Variants in CLCN2 observed in about 807,000 individuals in gnomAD.
CLCN2 encodes the protein chloride voltage-gated channel 2.
A neutral mutation model predicts 108.3 loss-of-function variants in CLCN2; 72 were observed. That is an observed-to-expected ratio of 0.66 (90% CI 0.55 to 0.81). The LOEUF is 0.81. Among genes scored for constraint, CLCN2 ranks in the 30% least tolerant of loss-of-function variants. CLCN2 has a pLI of 0.00. For missense variants in CLCN2, 1,048 were observed against 1,205.2 expected, an observed-to-expected ratio of 0.87 and a Z score of 1.93; for synonymous variants, 471 against 467.1, an observed-to-expected ratio of 1.01 and a Z score of -0.11.
rs2228292 is a variant in CLCN2, at chr3:184,352,800, C to T, written c.2154G>A (p.Glu718=). 6.2e-7 allele frequency: 1 copy of T among 1,613,254 alleles called. No individual in the cohort carries two copies. Among genetic ancestry groups the T allele is most frequent in the African/African-American group, 1.3e-5 (1 of 75,078 alleles). ...GGCTCCGGAGGGCGATGCCTGCCGA[C>T]TCTGCGCTCCCTGTGTTCCCAAACA... The part of the protein sequence containing the change: ...NLGESPTGSA[E]SAGIALRSLF... Residue 718 remains glutamate (E), a synonymous_variant, in exon 19 of 24, where the codon GAG becomes GAA. Transcript: ENST00000265593.
chr3:184,357,071 G>A lies in CLCN2; in HGVS notation c.1007C>T (p.Ala336Val). The change falls in exon 10 of 24, where the codon GCC (alanine) becomes GTC (valine). Residue 336 changes from alanine to valine, a missense_variant. Ala to Val is a moderately conservative substitution (Grantham distance 64). Coordinates refer to ENST00000265593, the MANE Select transcript of CLCN2 (RefSeq NM_004366.6). Reference sequence around the variant, plus strand: ...CTTCCGGTTCAGGTAGACAAAGAGGGCTCCACCGAAGCCACTAGCAATACT... The same window carrying A: ...CTTCCGGTTCAGGTAGACAAAGAGGACTCCACCGAAGCCACTAGCAATACT... Reference protein sequence around the residue: ...VIGIASGFGGALFVYLNRKIV... With the variant: ...VIGIASGFGGVLFVYLNRKIV... 4 of 1,613,640 alleles carry A rather than the reference G, an allele frequency of 2.5e-6. No individual in the cohort carries two copies. Among genetic ancestry groups the A allele is most frequent in the Non-Finnish European group, 2.5e-6 (3 of 1,179,836 alleles).
In CLCN2 at chr3:184,355,865, T is replaced by A; in HGVS notation, c.1086-87A>T. 2.8e-6 allele frequency: 3 copies of A among 1,071,980 alleles called. No homozygotes were observed. Among genetic ancestry groups the A allele is most frequent in the South Asian group, 1.3e-5 (1 of 75,992 alleles). 66.4% of individuals were successfully genotyped at this position (1,071,980 alleles called of 1,614,324 possible). A position where few individuals can be genotyped will look rare whatever the true frequency, so the allele number is the denominator to read the frequency against. Reference sequence around the variant, plus strand: ...CAGGGCTGAGGTCAGAGCAGAGCCTTGGCTCTTTCATGAAAACACTCAGTC... The same window carrying A: ...CAGGGCTGAGGTCAGAGCAGAGCCTAGGCTCTTTCATGAAAACACTCAGTC... On this transcript the variant is annotated intron_variant, in intron 10 of 23. Transcript: ENST00000265593. The surrounding 1 kb of genome is among the most constrained non-coding windows in gnomAD (Gnocchi z 6.3).
Position 184,353,331 on chromosome 3 carries a change from C to A in CLCN2, c.1947G>T (p.Met649Ile). The change falls in exon 17 of 24, where the codon ATG becomes ATT. Residue 649 changes from methionine (M) to isoleucine (I), a missense_variant. Physicochemically the swap from Met to Ile is conservative, Grantham distance 10. Transcript: ENST00000265593. ...QLSPARRRQH[M>I]QERRATQTSP... ...AGGTCTGGGTGGCTCTGCGCTCCTG[C>A]ATGTGCTGCCGCCGGCGGGCTGGGC... The A allele has an allele frequency of 1.2e-6, 2 of 1,613,368 alleles. No individual in the cohort carries two copies. Among genetic ancestry groups the A allele is most frequent in the Non-Finnish European group, 1.7e-6 (2 of 1,179,950 alleles).
intron 1 of CLCN2, 53 bp from the exon 2 acceptor site, chr3:184,359,184 G>A (rs943721201): frequency 3.7e-5 from 59 of 1,605,092 alleles, no homozygotes; most frequent in African/African-American, 2.9e-4. Flanking sequence ...GAGTGGGAAC[G>A]CAGGGAGAGT....
rs1200621464 is a variant in CLCN2, at chr3:184,357,703, C to A, written c.694-5G>T. On this transcript the variant is annotated splice_region_variant and splice_polypyrimidine_tract_variant and intron_variant, in intron 6 of 23. Coordinates refer to ENST00000265593, the MANE Select transcript of CLCN2 (RefSeq NM_004366.6). ...CTCTGTGTTCCGGGATTCATTCTGGCGAGAGTGGTGGCAAGAGGGGGTCAG... is the reference window on the plus strand; with the variant it reads ...CTCTGTGTTCCGGGATTCATTCTGGAGAGAGTGGTGGCAAGAGGGGGTCAG... 1.2e-6 allele frequency: 2 copies of A among 1,614,094 alleles called. No individual in the cohort carries two copies. The highest frequency in any genetic ancestry group is 8.5e-7 in the Non-Finnish European group (1 of 1,180,038).
chr3:184,353,814 G>T lies in CLCN2; in HGVS notation c.1722-19C>A. The T allele has an allele frequency of 6.2e-7, 1 of 1,600,954 alleles. No homozygotes were observed. The highest frequency in any genetic ancestry group is 8.5e-7 in the Non-Finnish European group (1 of 1,174,646). On this transcript the variant is annotated intron_variant, in intron 15 of 23. Coordinates refer to ENST00000265593, the MANE Select transcript of CLCN2 (RefSeq NM_004366.6). ...GTACTGCCTGGGGGCCGAGAGAGGC[G>T]CTTGGTTTGTGGTCAGCATGGGGAG...
In CLCN2 at chr3:184,353,159, G is replaced by C. The variant is rs770874630; in HGVS notation, c.2029-12C>G. Reference sequence around the variant, plus strand: ...TCTTCTGTGTTCACCTGCATAGGCAGGAAGGGGCTGGTGAGGCCACGGCCC... The same window carrying C: ...TCTTCTGTGTTCACCTGCATAGGCACGAAGGGGCTGGTGAGGCCACGGCCC... On this transcript the variant is annotated splice_polypyrimidine_tract_variant and intron_variant, in intron 17 of 23. Coordinates refer to ENST00000265593, the MANE Select transcript of CLCN2 (RefSeq NM_004366.6). The C allele has an allele frequency of 3.1e-6, 5 of 1,613,902 alleles. No individual in the cohort carries two copies. The South Asian group carries it at 5.5e-5, about 18-fold the overall frequency.
Position 184,352,351 on chromosome 3 carries a change from G to T in CLCN2, c.2272-20C>A, listed in dbSNP as rs1577309306. ...GTCACTCTAGTAGAGAGGGAGGGAG[G>T]CTGGCAGCTAGGGGCTCTGGAGTTT... is the stretch of plus-strand genomic sequence containing the variant. On this transcript the variant is annotated intron_variant, in intron 20 of 23. Transcript: ENST00000265593. 6.8e-6 allele frequency: 11 copies of T among 1,613,804 alleles called. No individual in the cohort carries two copies. The highest frequency in any genetic ancestry group is 1.7e-4 in the Middle Eastern group (1 of 5,994).
Position 184,355,897 on chromosome 3 carries a change from G to A in CLCN2, c.1086-119C>T. 1 of 807,634 alleles carries A rather than the reference G, an allele frequency of 1.2e-6. No homozygotes were observed. The highest frequency in any genetic ancestry group is 2.1e-6 in the Non-Finnish European group (1 of 469,912). The allele number at this position is 807,634 out of a possible 1,614,324, so 50.0% of individuals were successfully genotyped here. ...TTCATGAAAACACTCAGTCCTGACA[G>A]AAGGTCTCCTTTGCTGTTTATGATA... On this transcript the variant is annotated intron_variant, in intron 10 of 23. Coordinates refer to ENST00000265593, the MANE Select transcript of CLCN2 (RefSeq NM_004366.6). This position sits in a 1 kb window ranked among gnomAD's most constrained non-coding sequence, Gnocchi z 6.3.
intron 22 of CLCN2, among the ~76,000 whole-genome samples, chr3:184,351,324 T>A (rs1306353885): frequency 6.6e-6 from 1 of 152,144 alleles, no homozygotes; most frequent in Non-Finnish European, 1.5e-5. Context: ...ATTTTACCAA[T>A]GCAGGCTGCC....
rs1257111601 is a variant in CLCN2 at position 184,346,550 on chromosome 3, G to C, written c.*56C>G. 1 of 1,590,516 alleles carries C rather than the reference G, an allele frequency of 6.3e-7. No individual in the cohort carries two copies. On this transcript the variant is annotated 3_prime_UTR_variant, in exon 24 of 24. Coordinates refer to ENST00000265593, the MANE Select transcript of CLCN2 (RefSeq NM_004366.6). The surrounding 1 kb of genome is among the most constrained non-coding windows in gnomAD (Gnocchi z 6.0). ...TCCGAAGGCAGAAGGAATGAAAGAT[G>C]CACATTCTGGGCTGACGGGCATGGC...
chr3:184,350,059 A>G (rs1023844996), intron 22 of CLCN2, among the ~76,000 whole-genome samples: 1 of 152,100 alleles, frequency 6.6e-6, no homozygotes, highest in African/African-American at 2.4e-5. Flanking sequence ...CTAATCTTTT[A>G]TGTTCTTATC....
chr3:184,361,311 A>G lies in CLCN2; in HGVS notation c.63+106T>C. The G allele has an allele frequency of 8.3e-7, 1 of 1,211,966 alleles. No homozygotes were observed. The highest frequency in any genetic ancestry group is 1.2e-6 in the Non-Finnish European group (1 of 819,302). 75.1% of individuals were successfully genotyped at this position (1,211,966 alleles called of 1,614,324 possible). A position where few individuals can be genotyped will look rare whatever the true frequency, so the allele number is the denominator to read the frequency against. ...CAAGCCTCAGTTTCCCCAGCTCAAA[A>G]TGCTAGGACAGGATTAGGGTAGGCC... is the stretch of plus-strand genomic sequence containing the variant. On this transcript the variant is annotated intron_variant, in intron 1 of 23. Coordinates refer to ENST00000265593, the MANE Select transcript of CLCN2 (RefSeq NM_004366.6). This position sits in a 1 kb window ranked among gnomAD's most constrained non-coding sequence, Gnocchi z 6.6.
At chr3:184,353,000 G>A (rs775352694) in intron 18 of CLCN2, 33 bp downstream of exon 18, 1 of 1,595,446 alleles carries the variant, frequency 6.3e-7, no homozygotes, top group South Asian at 1.1e-5. Flanking sequence ...TAGCTTGGCT[G>A]AGGCTCTGTG....
At chr3:184,348,624 C>T (rs1433303493) in intron 22 of CLCN2, 1 of 152,032 alleles carries the variant, frequency 6.6e-6, no homozygotes, top group Non-Finnish European at 1.5e-5. Flanking sequence ...TGTCTGACTT[C>T]AGAGGGAAAC....
At chr3:184,347,506 C>T (rs539173193) in intron 22 of CLCN2, 6 of 276,142 alleles carry the variant, frequency 2.2e-5, no homozygotes, top group East Asian at 9.1e-5. Flanking sequence ...TTCATCACAC[C>T]GGAGAGGGAC....
chr3:184,347,201 C>G (rs1472895058), intron 22 of CLCN2, 180 bp from the exon 23 acceptor site: 1 of 672,974 alleles, frequency 1.5e-6, no homozygotes, highest in East Asian at 2.7e-5. Flanking sequence ...GAGAATGTTT[C>G]TGTGTCCAGG....
Position 184,354,506 on chromosome 3 carries a change from G to GT in CLCN2, c.1507+41dup, listed in dbSNP as rs199590567. ...CTCGGACCCTGTGGCTGGGGCGTGGGTGGGGGGGTCTCCCAAGGCCGATGG... is the reference window on the plus strand; with the variant it reads ...CTCGGACCCTGTGGCTGGGGCGTGGGTTGGGGGGGTCTCCCAAGGCCGATGG... On this transcript the variant is annotated intron_variant, in intron 14 of 23. Coordinates refer to ENST00000265593, the MANE Select transcript of CLCN2 (RefSeq NM_004366.6). 3.0e-3 allele frequency: 4,551 copies of GT among 1,521,602 alleles called. 111 individuals carry two copies. In the African/African-American group the frequency reaches 0.056, roughly 19 times the overall value. The allele number at this position is 1,521,602 out of a possible 1,614,324, so 94.3% of individuals were successfully genotyped here.
In CLCN2 at chr3:184,355,517, C is replaced by T. The variant is rs146097084; in HGVS notation, c.1183G>A (p.Glu395Lys). The T allele has an allele frequency of 5.0e-6, 8 of 1,613,990 alleles. No homozygotes were observed. The African/African-American group carries it at 1.1e-4, about 22-fold the overall frequency. ...QFMAGQLSQK[E>K]TLVTLFDNRT... ...TTGTCAAACAGGGTGACCAGCGTCT[C>T]TTTCTGTGAGAGCTAGAGTGAACAG... is the stretch of plus-strand genomic sequence containing the variant. The change falls in exon 12 of 24, where the codon GAG becomes AAG. Residue 395 changes from glutamate (E) to lysine (K), a missense_variant. Glu to Lys is a moderately conservative substitution (Grantham distance 56). Transcript: ENST00000265593. The surrounding 1 kb of genome is among the most constrained non-coding windows in gnomAD (Gnocchi z 6.3).
Sources: allele counts gnomAD v4.1 joint callset (sites outside exome capture counted in the v4.1 genomes callset), GRCh38; gene constraint gnomAD v4.1.1; non-coding constraint Gnocchi (gnomAD v3.1); transcripts MANE v1.5; gene names NCBI Gene and HGNC (gene_info 2026-07-23, HGNC 2026-07-21).